RBM27: variants seen among roughly 807,000 people sequenced by gnomAD.
The protein encoded by RBM27 is RNA-binding protein 27.
Under a neutral mutation model 135.3 loss-of-function variants are expected in RBM27, and 22 were observed. That is an observed-to-expected ratio of 0.16 (90% CI 0.12 to 0.23). RBM27 has a LOEUF of 0.23. Among genes scored for constraint, RBM27 ranks in the 10% least tolerant of loss-of-function variants. The pLI, the probability that RBM27 is intolerant of heterozygous loss-of-function variation, is 1.00. For missense variants in RBM27, 1,009 were observed against 1,281.0 expected (o/e 0.79, Z 3.24); for synonymous variants, 481 against 442.4 (o/e 1.09, Z -1.10).
At chr5:146,261,841 G>A (rs779559465) in intron 13 of RBM27, 35 bp downstream of exon 13, 1 of 1,609,688 alleles carries the variant, frequency 6.2e-7, no homozygotes, top group Non-Finnish European at 8.5e-7. Context: ...AGGTCTTTTA[G>A]TTACACCCTC....
At chr5:146,209,711 G>T (rs1755856037) in intron 1 of RBM27, among the ~76,000 whole-genome samples, 2 of 152,168 alleles carry the variant, frequency 1.3e-5, no homozygotes, top group Admixed American at 1.3e-4. Context: ...AAGTATTTTG[G>T]AGGTATATTC....
rs78912342 is a variant in RBM27 at position 146,281,473 on chromosome 5, C to T, written c.2989-3149C>T. On this transcript the variant is annotated intron_variant, in intron 19 of 20. Transcript: ENST00000265271. ...ACAGGAGTGTCCAATCTTTTGGCTTCCCTGGACCACACTGGAAGAAGAATA... is the reference window on the plus strand; with the variant it reads ...ACAGGAGTGTCCAATCTTTTGGCTTTCCTGGACCACACTGGAAGAAGAATA... Among the ~76,000 whole-genome samples, 1,016 of 152,252 alleles carry T rather than the reference C, an allele frequency of 6.7e-3. 6 individuals are homozygous for T. The highest frequency in any genetic ancestry group is 0.012 in the Non-Finnish European group (787 of 68,028).
intron 9 of RBM27, among the ~76,000 whole-genome samples, chr5:146,253,275 C>T (rs1401817744): frequency 3.3e-5 from 5 of 152,072 alleles, no homozygotes; most frequent in Admixed American, 6.5e-5. Flanking sequence ...GAATTACAGG[C>T]GTGAGCCACT....
chr5:146,236,992 G>C (rs1757192093), intron 7 of RBM27, among the ~76,000 whole-genome samples: 1 of 138,296 alleles, frequency 7.2e-6, no homozygotes, highest in Non-Finnish European at 1.5e-5. Flanking sequence ...AGGCTGGAGT[G>C]CAATGGTGCG....
At chr5:146,226,919 TTGTTTA>T (rs1756704081) in intron 3 of RBM27, among the ~76,000 whole-genome samples, 1 of 152,244 alleles carries the variant, frequency 6.6e-6, no homozygotes, top group African/African-American at 2.4e-5. Flanking sequence ...ATAAACATAA[TTGTTTA>T]TAGTATTTCT....
Position 146,223,392 on chromosome 5 carries a change from C to A in RBM27, c.179-11C>A. ...TTTGCGCAATATGTAAATGTTATTT[C>A]TTCTCCTTAGAAACTTCAGGTTTTG... On this transcript the variant is annotated splice_polypyrimidine_tract_variant and intron_variant, in intron 2 of 20. Coordinates refer to ENST00000265271, the MANE Select transcript of RBM27 (RefSeq NM_018989.2). 1 of 1,571,714 alleles carries A rather than the reference C, an allele frequency of 6.4e-7. No homozygotes were observed. Among genetic ancestry groups the A allele is most frequent in the South Asian group, 1.2e-5 (1 of 83,438 alleles).
At chr5:146,203,938 T>C in intron 1 of RBM27, 114 bp downstream of exon 1, 1 of 1,026,500 alleles carries the variant, frequency 9.7e-7, no homozygotes, top group Non-Finnish European at 1.4e-6. Flanking sequence ...GGCCGGGAGG[T>C]CCCGGCGACG....
At chr5:146,204,161 C>A (rs1187879564) in intron 1 of RBM27, among the ~76,000 whole-genome samples, 1 of 152,050 alleles carries the variant, frequency 6.6e-6, no homozygotes, top group African/African-American at 2.4e-5. Flanking sequence ...GGTAACGGGG[C>A]TCTTGAGGGA....
At chr5:146,247,552 A>G (rs555685538) in intron 8 of RBM27, among the ~76,000 whole-genome samples, 3 of 151,154 alleles carry the variant, frequency 2.0e-5, no homozygotes, top group Admixed American at 2.0e-4. Flanking sequence ...CTTGGCGTTT[A>G]TTTGTTGAAG....
At chr5:146,236,981 C>T (rs1438607199) in intron 7 of RBM27, among the ~76,000 whole-genome samples, 1 of 140,572 alleles carries the variant, frequency 7.1e-6, no homozygotes, top group Non-Finnish European at 1.5e-5. Context: ...TTTTGTTGCC[C>T]AGGCTGGAGT....
intron 10 of RBM27, 65 bp from the exon 11 acceptor site, chr5:146,258,384 G>C (rs1448184720): frequency 1.5e-6 from 2 of 1,325,030 alleles, no homozygotes; most frequent in African/African-American, 3.0e-5. Flanking sequence ...TTAGCTTTTA[G>C]ACTAAATATA....
chr5:146,226,176 A>G (rs1756668711), intron 3 of RBM27, among the ~76,000 whole-genome samples: 1 of 151,452 alleles, frequency 6.6e-6, no homozygotes, highest in African/African-American at 2.4e-5. Context: ...GCTGGAAGAA[A>G]ACTTTCTTGA....
intron 1 of RBM27, among the ~76,000 whole-genome samples, chr5:146,205,254 G>A (rs1351124098): frequency 2.0e-5 from 3 of 152,142 alleles, no homozygotes; most frequent in Non-Finnish European, 4.4e-5. Flanking sequence ...GGGGGAATGG[G>A]GTATGGCTAG....
chr5:146,203,859 G>A, intron 1 of RBM27, 35 bp downstream of exon 1: 2 of 1,531,452 alleles, frequency 1.3e-6, no homozygotes, highest in East Asian at 2.5e-5. Flanking sequence ...GCCGGCGAAC[G>A]TGGGCGTTGG....
intron 17 of RBM27, 32 bp downstream of exon 17, chr5:146,269,616 G>T: frequency 7.0e-7 from 1 of 1,430,774 alleles, no homozygotes; most frequent in East Asian, 2.5e-5. Flanking sequence ...TTAACATAGG[G>T]TTATTGAACA....
rs773816134 is a variant in RBM27, at chr5:146,271,557, G to T, written c.2871G>T (p.Gly957=). 1 of 1,613,582 alleles carries T rather than the reference G, an allele frequency of 6.2e-7. No individual in the cohort carries two copies. The highest frequency in any genetic ancestry group is 8.5e-7 in the Non-Finnish European group (1 of 1,179,666). Reference sequence around the variant, plus strand: ...CTCAAGGTCGAGGAAGAGGCCGAGGGCGTGGAGGAAGAGGAAGGGGCTCAC... The same window carrying T: ...CTCAAGGTCGAGGAAGAGGCCGAGGTCGTGGAGGAAGAGGAAGGGGCTCAC... ...MSSQGRGRGR[G]RGGRGRGSLN... is the part of the protein sequence containing the mutation. Residue 957 remains glycine, a synonymous_variant, in exon 19 of 21, where the codon GGG becomes GGT. Transcript: ENST00000265271.
intron 13 of RBM27, among the ~76,000 whole-genome samples, chr5:146,262,217 C>G (rs1354399486): frequency 1.3e-5 from 2 of 152,214 alleles, no homozygotes; most frequent in East Asian, 3.8e-4. Flanking sequence ...AACAAGTACT[C>G]TTAAGTTATT....
chr5:146,203,883 C>T, intron 1 of RBM27, 59 bp downstream of exon 1: 1 of 150,124 alleles, frequency 6.7e-6, no homozygotes, highest in Non-Finnish European at 1.3e-5. Flanking sequence ...CTCGCGGGGG[C>T]GTGGGGGAGG....
intron 8 of RBM27, among the ~76,000 whole-genome samples, chr5:146,243,738 T>G (rs1757505019): frequency 6.6e-6 from 1 of 152,216 alleles, no homozygotes; most frequent in Non-Finnish European, 1.5e-5. Flanking sequence ...TATGGATATT[T>G]TATTGTCATT....
Sources: allele counts gnomAD v4.1 joint callset (sites outside exome capture counted in the v4.1 genomes callset), GRCh38; gene constraint gnomAD v4.1.1; transcripts MANE v1.5; gene names NCBI Gene and HGNC (gene_info 2026-07-23, HGNC 2026-07-21).